Variants in ZNF438 observed in about 807,000 individuals in gnomAD.
ZNF438 encodes zinc finger protein 438.
Under a neutral mutation model 38.0 loss-of-function variants are expected in ZNF438, and 25 were observed. The ratio of observed to expected loss-of-function variants is 0.66; its 90% CI spans 0.48 to 0.92. The LOEUF (loss-of-function observed/expected upper bound fraction) is 0.92, where lower values mean the gene tolerates loss of function less well. ZNF438 is among the 40% of genes least tolerant of loss of function. ZNF438 has a pLI of 0.00. For synonymous variants in ZNF438, 372 were observed against 364.1 expected, an observed-to-expected ratio of 1.02 and a Z score of -0.25; for missense variants, 1,007 against 999.6, an observed-to-expected ratio of 1.01 and a Z score of -0.10.
intron 3 of ZNF438, among the ~76,000 whole-genome samples, chr10:30,888,662 G>A (rs1193786474): frequency 6.6e-6 from 1 of 152,130 alleles, no homozygotes; most frequent in Non-Finnish European, 1.5e-5. Context: ...TGCTAAGGAT[G>A]ATGGCCTCCA....
intron 1 of ZNF438, among the ~76,000 whole-genome samples, chr10:30,950,335 A>G (rs1156658664): frequency 6.6e-6 from 1 of 151,380 alleles, no homozygotes; most frequent in African/African-American, 2.4e-5. Flanking sequence ...CACAATTAAA[A>G]GAACTAGAAA....
At chr10:30,923,322 T>C (rs2044536568) in intron 2 of ZNF438, 1 of 152,234 alleles carries the variant, frequency 6.6e-6, no homozygotes, top group Non-Finnish European at 1.5e-5. Flanking sequence ...CTCACTGTTT[T>C]TCCTGTATCA....
At position 31,031,875 on chromosome 10, in the gene ZNF438, G is replaced by A. The variant is rs1201440041; in HGVS notation, c.-234C>T. ...CGCGTCACAGCGGGGTGACGTCACG[G>A]GCCCAGCAGTCGGGGAGGTCAAGCC... On this transcript the variant is annotated 5_prime_UTR_variant, in exon 1 of 6. Coordinates refer to ENST00000413025, the Ensembl canonical transcript of ZNF438. 2 of 152,476 alleles carry A rather than the reference G, an allele frequency of 1.3e-5. No individual in the cohort carries two copies. The highest frequency in any genetic ancestry group is 4.8e-5 in the African/African-American group (2 of 41,420). The allele number at this position is 152,476 out of a possible 1,614,324, so 9.4% of individuals were successfully genotyped here.
chr10:31,024,346 G>T (rs545614910), intron 1 of ZNF438, among the ~76,000 whole-genome samples: 2 of 152,322 alleles, frequency 1.3e-5, no homozygotes, highest in African/African-American at 4.8e-5. Context: ...CCTAGGTACG[G>T]CCGAGCGCAG....
chr10:30,970,205 G>C (rs1019294135), intron 1 of ZNF438, among the ~76,000 whole-genome samples: 5 of 151,412 alleles, frequency 3.3e-5, no homozygotes, highest in African/African-American at 1.2e-4. Flanking sequence ...AGAGGTGATA[G>C]GTCCTCTTTT....
intron 3 of ZNF438, among the ~76,000 whole-genome samples, chr10:30,885,454 A>G (rs1028861329): frequency 6.6e-6 from 1 of 152,232 alleles, no homozygotes; most frequent in Non-Finnish European, 1.5e-5. Context: ...CTCTTTTGCA[A>G]CAAATGCTAC....
chr10:30,969,105 A>G (rs1371154597), intron 1 of ZNF438, among the ~76,000 whole-genome samples: 1 of 152,060 alleles, frequency 6.6e-6, no homozygotes, highest in Admixed American at 6.5e-5. Flanking sequence ...TTTTTTTTTC[A>G]TTGGTATAAC....
At chr10:30,999,684 G>T (rs991862547) in intron 1 of ZNF438, among the ~76,000 whole-genome samples, 2 of 152,184 alleles carry the variant, frequency 1.3e-5, no homozygotes, top group African/African-American at 4.8e-5. Flanking sequence ...GTTAAGGTCA[G>T]AAGACTGCCT....
Position 30,848,855 on chromosome 10 carries a change from TG to T in ZNF438, c.1549del (p.Gln517SerfsTer10), listed in dbSNP as rs2032936218. The T allele has an allele frequency of 1.2e-6, 2 of 1,614,236 alleles. No individual in the cohort carries two copies. The highest frequency in any genetic ancestry group is 8.5e-7 in the Non-Finnish European group (1 of 1,180,044). On this transcript the variant is annotated frameshift_variant, in exon 5 of 6. Coordinates refer to ENST00000413025, the Ensembl canonical transcript of ZNF438. LOFTEE classifies it high-confidence loss of function. ...GTGGTCTCGAAGGTGCTGTTTGAACTGGAAGTGGTGGTTGCAGACGTGACAT... is the reference window on the plus strand; with the variant it reads ...GTGGTCTCGAAGGTGCTGTTTGAACTGAAGTGGTGGTTGCAGACGTGACAT...
chr10:30,998,861 AC>A lies in ZNF438; in HGVS notation c.-192+32971del, dbSNP rs573085337. Among the ~76,000 whole-genome samples the A allele has an allele frequency of 1.9e-3, 289 of 152,280 alleles. 1 individual carries two copies. The highest frequency in any genetic ancestry group is 6.5e-3 in the African/African-American group (271 of 41,562). On this transcript the variant is annotated intron_variant, in intron 1 of 5. Coordinates refer to ENST00000413025, the Ensembl canonical transcript of ZNF438. ...GAATCCTTAACTTTGAAGAACAAAC[AC>A]TTTGAAAACTAAACAATTTATAAAA...
At chr10:31,000,453 T>G (rs1228425245) in intron 1 of ZNF438, among the ~76,000 whole-genome samples, 1 of 152,196 alleles carries the variant, frequency 6.6e-6, no homozygotes, top group African/African-American at 2.4e-5. Context: ...GATGTATAAT[T>G]CCTTTTTCTC....
intron 3 of ZNF438, among the ~76,000 whole-genome samples, chr10:30,880,699 GATTCCT>G (rs2039123972): frequency 6.6e-6 from 1 of 152,072 alleles, no homozygotes; most frequent in African/African-American, 2.4e-5. Context: ...ACATAGAAAA[GATTCCT>G]ATGTCCCAAT....
At chr10:30,852,823 G>A (rs1404858492) in intron 4 of ZNF438, among the ~76,000 whole-genome samples, 3 of 152,174 alleles carry the variant, frequency 2.0e-5, no homozygotes. Context: ...CGTGAATTCC[G>A]CTTATGGGTA....
intron 1 of ZNF438, among the ~76,000 whole-genome samples, chr10:30,998,848 T>G (rs2132739851): frequency 6.6e-6 from 1 of 152,232 alleles, no homozygotes; most frequent in South Asian, 2.1e-4. Context: ...ATCCTTAACT[T>G]TGAAGAACAA....
At chr10:30,877,820 A>G (rs1300335809) in intron 3 of ZNF438, among the ~76,000 whole-genome samples, 1 of 152,224 alleles carries the variant, frequency 6.6e-6, no homozygotes, top group Admixed American at 6.5e-5. Flanking sequence ...AAACAAAAAA[A>G]TGTTCCTAAG....
At chr10:31,009,992 G>C (rs1280057486) in intron 1 of ZNF438, among the ~76,000 whole-genome samples, 1 of 151,942 alleles carries the variant, frequency 6.6e-6, no homozygotes, top group Non-Finnish European at 1.5e-5. Context: ...GGGATTACAG[G>C]TGCCTGCCAT....
intron 1 of ZNF438, among the ~76,000 whole-genome samples, chr10:30,979,600 A>G (rs893019211): frequency 3.9e-5 from 6 of 152,258 alleles, no homozygotes; most frequent in Non-Finnish European, 8.8e-5. Context: ...GGCCTCAGAA[A>G]TAACATCATG....
exon 6 of ZNF438, chr10:30,844,998 T>C: frequency 6.2e-7 from 1 of 1,614,202 alleles, no homozygotes; most frequent in Non-Finnish European, 8.5e-7. Context: ...GATCACTCCC[T>C]GGTTGGAGAC....
chr10:30,873,739 T>C lies in ZNF438; in HGVS notation c.37+3259A>G, dbSNP rs1185574798. ...GTATGATTTACCTTTGGATTCTTCA[T>C]AGCATCTGATAGTTCCTCGTATGAA... On this transcript the variant is annotated intron_variant, in intron 4 of 5. Transcript: ENST00000413025. Among the ~76,000 whole-genome samples the C allele has an allele frequency of 2.0e-5, 3 of 152,340 alleles. No individual in the cohort carries two copies. The East Asian group carries it at 5.8e-4, about 29-fold the overall frequency.
Sources: gnomAD v4.1 joint callset for allele counts (sites outside exome capture counted in the v4.1 genomes callset) on GRCh38, gnomAD v4.1.1 for gene constraint, MANE v1.5 for transcripts, NCBI Gene and HGNC (gene_info 2026-07-23, HGNC 2026-07-21) for gene names.